Variants in SMC1B observed in about 807,000 individuals in gnomAD.
SMC1B encodes structural maintenance of chromosomes protein 1B.
A neutral mutation model predicts 157.9 loss-of-function variants in SMC1B; 60 were observed. The observed-to-expected ratio is 0.38, with a 90% CI of 0.31 to 0.47. The LOEUF (loss-of-function observed/expected upper bound fraction) is 0.47, where lower values mean the gene tolerates loss of function less well. SMC1B is among the 20% of genes least tolerant of loss of function. The pLI is 0.99. For missense variants in SMC1B, 1,165 were observed against 1,426.2 expected, an observed-to-expected ratio of 0.82 and a Z score of 2.95; for synonymous variants, 445 against 483.0, an observed-to-expected ratio of 0.92 and a Z score of 1.03.
intron 12 of SMC1B, among the ~76,000 whole-genome samples, chr22:45,376,818 C>T (rs2086888297): frequency 6.6e-6 from 1 of 152,028 alleles, no homozygotes. Flanking sequence ...CTCATGTTTG[C>T]TTTTCCCTTG....
chr22:45,355,172 G>C, intron 19 of SMC1B, 57 bp from the exon 20 acceptor site: 1 of 1,585,808 alleles, frequency 6.3e-7, no homozygotes, highest in Non-Finnish European at 8.6e-7. Context: ...CATCCAGCAA[G>C]GTAGGGTGCG....
At chr22:45,386,559 C>T (rs911121591) in intron 11 of SMC1B, among the ~76,000 whole-genome samples, 3 of 142,552 alleles carry the variant, frequency 2.1e-5, no homozygotes, top group African/African-American at 8.6e-5. Context: ...TATCCAGGGT[C>T]CATATAAGGT....
At chr22:45,397,937 T>A (rs923011305) in intron 6 of SMC1B, among the ~76,000 whole-genome samples, 3 of 152,160 alleles carry the variant, frequency 2.0e-5, no homozygotes, top group Admixed American at 2.0e-4. Context: ...GGACAAGAAC[T>A]GAGGACCCAC....
chr22:45,359,976 T>TG lies in SMC1B; in HGVS notation c.2709-19dup, dbSNP rs758324682. The TG allele has an allele frequency of 2.5e-6, 4 of 1,604,948 alleles. No individual in the cohort carries two copies. The East Asian group carries it at 8.9e-5, about 36-fold the overall frequency. ...CCACTTCCCTGTAATTACACAGATA[T>TG]GAAAAAGTAATTTTACTCATTATGT... On this transcript the variant is annotated intron_variant, in intron 17 of 24. Coordinates refer to ENST00000357450, the MANE Select transcript of SMC1B (RefSeq NM_148674.5).
intron 12 of SMC1B, among the ~76,000 whole-genome samples, chr22:45,379,811 C>T (rs1390027188): frequency 1.4e-5 from 2 of 141,370 alleles, no homozygotes; most frequent in African/African-American, 5.4e-5. Context: ...GGGCTCCCTG[C>T]AACCTCCACC....
Position 45,352,648 on chromosome 22 carries a change from T to TA in SMC1B, c.3274-47dup, listed in dbSNP as rs540184321. The TA allele has an allele frequency of 1.4e-4, 225 of 1,552,264 alleles. 1 individual carries two copies. The highest frequency in any genetic ancestry group is 4.6e-4 in the South Asian group (38 of 83,352). The stretch of plus-strand genomic sequence containing the variant: ...TTAGCAATATCAGAAAAGCAACTGA[T>TA]AAAGTTCAACTTGGAGTTTAACTGC... On this transcript the variant is annotated intron_variant, in intron 21 of 24. Coordinates refer to ENST00000357450, the MANE Select transcript of SMC1B (RefSeq NM_148674.5).
At chr22:45,357,401 C>T (rs1342769103) in intron 19 of SMC1B, among the ~76,000 whole-genome samples, 1 of 152,236 alleles carries the variant, frequency 6.6e-6, no homozygotes, top group Non-Finnish European at 1.5e-5. Context: ...CTGTGCTCTG[C>T]AGCTGTGAAG....
chr22:45,396,483 C>G lies in SMC1B; in HGVS notation c.1117G>C (p.Asp373His), dbSNP rs776792381. The change falls in exon 7 of 25, where the codon GAT becomes CAT. Residue 373 changes from aspartate (D) to histidine (H), a missense_variant. Physicochemically the swap from Asp to His is moderately conservative, Grantham distance 81. Transcript: ENST00000357450. ...TGTTCCTTAAGTTCTTTATAACGAT[C>G]CAGCTGCATAAACAGTATTGAAAAA... ...RDIELEASQL[D>H]RYKELKEQVR... 20 of 1,609,710 alleles carry G rather than the reference C, an allele frequency of 1.2e-5. No individual in the cohort carries two copies. In the Admixed American group the frequency reaches 3.2e-4, roughly 26 times the overall value.
At chr22:45,359,604 G>A (rs1250738956) in intron 18 of SMC1B, among the ~76,000 whole-genome samples, 1 of 152,170 alleles carries the variant, frequency 6.6e-6, no homozygotes, top group Non-Finnish European at 1.5e-5. Context: ...TTTCTCTTGG[G>A]TATCTAATAT....
chr22:45,349,903 G>A, intron 22 of SMC1B, 106 bp from the exon 23 acceptor site: 2 of 897,558 alleles, frequency 2.2e-6, no homozygotes, highest in Non-Finnish European at 3.4e-6. Context: ...ACATTCTTTT[G>A]GATATTTCTA....
At position 45,344,547 on chromosome 22, in the gene SMC1B, G is replaced by A. The variant is rs778194792; in HGVS notation, c.*9C>T. 2.5e-6 allele frequency: 4 copies of A among 1,598,106 alleles called. No homozygotes were observed. The highest frequency in any genetic ancestry group is 2.6e-6 in the Non-Finnish European group (3 of 1,165,518). On this transcript the variant is annotated 3_prime_UTR_variant, in exon 25 of 25. Coordinates refer to ENST00000357450, the MANE Select transcript of SMC1B (RefSeq NM_148674.5). ...GAACAGTGATCAGGTGACTGCTGCA[G>A]GACTGCCCCTAGCGGGACTCTCCGT...
chr22:45,387,081 C>T (rs748476257), intron 10 of SMC1B, 35 bp from the exon 11 acceptor site: 5 of 1,513,744 alleles, frequency 3.3e-6, no homozygotes, highest in Non-Finnish European at 1.8e-6. Context: ...ATGTTACATA[C>T]ACTGAAATAA....
At chr22:45,358,656 G>T in intron 19 of SMC1B, 41 bp downstream of exon 19, 3 of 1,180,200 alleles carry the variant, frequency 2.5e-6, no homozygotes, top group Non-Finnish European at 3.7e-6. Flanking sequence ...TAAATATTCC[G>T]TATTACTGTG....
chr22:45,413,177 CCCGAGGCGGGG>C (rs1019823048), intron 1 of SMC1B, among the ~76,000 whole-genome samples: 24 of 151,442 alleles, frequency 1.6e-4, no homozygotes, highest in African/African-American at 5.1e-4. Context: ...GAGAGCGGGG[CCCGAGGCGGGG>C]CCGAGTGGAA....
intron 14 of SMC1B, 76 bp from the exon 15 acceptor site, chr22:45,370,136 C>G: frequency 1.2e-6 from 1 of 842,024 alleles, no homozygotes; most frequent in Non-Finnish European, 1.7e-6. Context: ...GTTTTTCCCT[C>G]CAAGATTTTC....
In SMC1B at chr22:45,360,053, AATT is replaced by A; in HGVS notation, c.2709-98_2709-96del. The A allele has an allele frequency of 4.3e-6, 4 of 924,654 alleles. No individual in the cohort carries two copies. In the South Asian group the frequency reaches 7.0e-5, roughly 16 times the overall value. 57.3% of individuals were successfully genotyped at this position (924,654 alleles called of 1,614,324 possible). On this transcript the variant is annotated intron_variant, in intron 17 of 24. Coordinates refer to ENST00000357450, the MANE Select transcript of SMC1B (RefSeq NM_148674.5). ...ATGCTATAAACTTTTATGAAAAAAG[AATT>A]ATTTATTCCTGTGAGTGCTGTAAGT...
intron 5 of SMC1B, among the ~76,000 whole-genome samples, chr22:45,400,111 G>T (rs1468330684): frequency 1.3e-5 from 2 of 152,150 alleles, no homozygotes; most frequent in Non-Finnish European, 2.9e-5. Context: ...AGTATACACA[G>T]GTATTTCCTA....
rs1421414551 is a variant in SMC1B, at chr22:45,406,761, C to A, written c.403G>T (p.Val135Phe). 9 of 1,591,018 alleles carry A rather than the reference C, an allele frequency of 5.7e-6. No homozygotes were observed. The highest frequency in any genetic ancestry group is 6.8e-6 in the Non-Finnish European group (8 of 1,174,154). Reference sequence around the variant, plus strand: ...CTACTATAGCTACTTACCTGAAAAACCAAACAATTTTGTGCTTTGACTATT... The same window carrying A: ...CTACTATAGCTACTTACCTGAAAAAACAAACAATTTTGTGCTTTGACTATT... The part of the protein sequence containing the change: ...GIIVKAQNCL[V>F]FQGTVESISV... The change falls in exon 3 of 25, where the codon GTT becomes TTT. Residue 135 changes from valine to phenylalanine, a missense_variant. Val to Phe is a conservative substitution (Grantham distance 50). Transcript: ENST00000357450.
At position 45,354,103 on chromosome 22, in the gene SMC1B, G is replaced by T. The variant is rs5764698; in HGVS notation, c.3148C>A (p.Leu1050Met). The T allele has an allele frequency of 0.48, 759,787 of 1,577,354 alleles. 192,569 individuals carry two copies. Among genetic ancestry groups the T allele is most frequent in the Non-Finnish European group, 0.53 (612,315 of 1,165,810 alleles). The stretch of plus-strand genomic sequence containing the variant: ...ACTTGCTCGAACTCTTGCCTACACA[G>T]TCTGGCTTCCTTTCTGCTGGCCTCA... Reference protein sequence around the residue: ...AFEASRKEARLCRQEFEQVKK... With the variant: ...AFEASRKEARMCRQEFEQVKK... Residue 1050 changes from leucine (L) to methionine (M), a missense_variant, in exon 21 of 25, where the codon CTG becomes ATG. Transcript: ENST00000357450.
Sources: allele counts gnomAD v4.1 joint callset (sites outside exome capture counted in the v4.1 genomes callset), GRCh38; gene constraint gnomAD v4.1.1; transcripts MANE v1.5; gene names NCBI Gene and HGNC (gene_info 2026-07-23, HGNC 2026-07-21).